Variants in CPAP observed in about 807,000 individuals in gnomAD.
CPAP encodes the protein centrosome assembly and centriole elongation protein, also known as centrosomal P4.1-associated protein.
chr13:24,885,190 C>A, the CPAP span: 1 of 893,802 alleles, frequency 1.1e-6, no homozygotes, highest in African/African-American at 1.7e-5. Context: ...GTCCAAAGAG[C>A]CCTTATTTTA....
the CPAP span, among the ~76,000 whole-genome samples, chr13:24,886,686 T>A: frequency 6.6e-6 from 1 of 152,190 alleles, no homozygotes; most frequent in Non-Finnish European, 1.5e-5. Context: ...ACAGGTTATG[T>A]GTGCAAACTA....
chr13:24,933,036 C>T, the CPAP span: 1 of 1,590,408 alleles, frequency 6.3e-7, no homozygotes, highest in African/African-American at 1.3e-5. Flanking sequence ...ATTGTATCTT[C>T]TGTTTGAAAG....
At chr13:24,884,238 T>C in the CPAP span, 2 of 1,614,162 alleles carry the variant, frequency 1.2e-6, no homozygotes, top group Non-Finnish European at 1.7e-6. Flanking sequence ...AGCTGCATAG[T>C]AGTAGATCTG....
chr13:24,892,628 C>T, the CPAP span: 132 of 1,607,464 alleles, frequency 8.2e-5, no homozygotes, highest in Non-Finnish European at 1.1e-4. Flanking sequence ...ACAACCCACC[C>T]GCCTCCCTGC....
At chr13:24,885,169 A>AAAGGCATCTTG in the CPAP span, 1 of 750,464 alleles carries the variant, frequency 1.3e-6, no homozygotes, top group African/African-American at 1.7e-5. Flanking sequence ...AATGGCAACT[A>AAAGGCATCTTG]AAGGCATCTT....
At chr13:24,893,575 A>C in the CPAP span, among the ~76,000 whole-genome samples, 2 of 152,236 alleles carry the variant, frequency 1.3e-5, no homozygotes, top group Non-Finnish European at 2.9e-5. Flanking sequence ...GCCCCACCAC[A>C]GAGGGTGTGG....
chr13:24,907,710 G>C, the CPAP span, among the ~76,000 whole-genome samples: 5 of 151,968 alleles, frequency 3.3e-5, no homozygotes, highest in Non-Finnish European at 5.9e-5. Context: ...ACACCAAATG[G>C]GAGATGTCAA....
chr13:24,890,670 C>CA, the CPAP span, among the ~76,000 whole-genome samples: 1 of 152,226 alleles, frequency 6.6e-6, no homozygotes, highest in Non-Finnish European at 1.5e-5. Flanking sequence ...AGCCACGAAT[C>CA]ACTCTATTCC....
chr13:24,908,232 T>G, the CPAP span: 7 of 751,528 alleles, frequency 9.3e-6, no homozygotes, highest in Non-Finnish European at 1.6e-5. Context: ...TAATTAAAAG[T>G]AATGTATATC....
chr13:24,921,320 AT>A, the CPAP span, among the ~76,000 whole-genome samples: 1,231 of 151,290 alleles, frequency 8.1e-3, 17 homozygotes, highest in East Asian at 0.024. Context: ...AGCGACAGAT[AT>A]AACAATTCTC....
At chr13:24,905,660 A>G in the CPAP span, 1 of 1,614,182 alleles carries the variant, frequency 6.2e-7, no homozygotes, top group Non-Finnish European at 8.5e-7. Context: ...TTCATCATCA[A>G]AGTCCATTTT....
the CPAP span, among the ~76,000 whole-genome samples, chr13:24,899,008 A>T: frequency 6.6e-6 from 1 of 152,236 alleles, no homozygotes; most frequent in African/African-American, 2.4e-5. Flanking sequence ...CAAGACTGAT[A>T]ATCTGGCCTA....
At chr13:24,919,566 A>G in the CPAP span, among the ~76,000 whole-genome samples, 25 of 151,884 alleles carry the variant, frequency 1.6e-4, no homozygotes, top group African/African-American at 5.8e-4. Context: ...GACCATAGGC[A>G]TATACCACAA....
chr13:24,926,930 A>G, the CPAP span, among the ~76,000 whole-genome samples: 1 of 152,242 alleles, frequency 6.6e-6, no homozygotes, highest in Non-Finnish European at 1.5e-5. Context: ...GGTCAGTGCT[A>G]GCTCAAACAA....
the CPAP span, chr13:24,905,600 A>G: frequency 6.2e-7 from 1 of 1,614,218 alleles, no homozygotes; most frequent in Admixed American, 1.7e-5. Context: ...TTCATTCCCA[A>G]GAACAACATC....
At chr13:24,932,018 T>A in the CPAP span, among the ~76,000 whole-genome samples, 13 of 152,178 alleles carry the variant, frequency 8.5e-5, no homozygotes, top group Admixed American at 7.8e-4. Context: ...GGGACCCAAT[T>A]CTGGGCGCCT....
At chr13:24,906,629 G>A in the CPAP span, 362 of 1,614,162 alleles carry the variant, frequency 2.2e-4, no homozygotes, top group African/African-American at 1.6e-3. Flanking sequence ...CAATCCTGAC[G>A]GAGAAAGACT....
At chr13:24,931,889 T>C in the CPAP span, among the ~76,000 whole-genome samples, 3 of 152,214 alleles carry the variant, frequency 2.0e-5, no homozygotes, top group Admixed American at 6.5e-5. Context: ...AAGCCGAGCT[T>C]TGGATTTATC....
the CPAP span, among the ~76,000 whole-genome samples, chr13:24,918,352 A>G: frequency 1.3e-5 from 2 of 152,340 alleles, no homozygotes; most frequent in Admixed American, 6.5e-5. Context: ...GCAATTTTTT[A>G]TAAGTTTATT....
Sources: gnomAD v4.1 joint callset for allele counts (sites outside exome capture counted in the v4.1 genomes callset) on GRCh38, gnomAD v4.1.1 for gene constraint, MANE v1.5 for transcripts, NCBI Gene and HGNC (gene_info 2026-07-23, HGNC 2026-07-21) for gene names.